The following CNTN5 variants were observed in gnomAD, a reference collection of about 807,000 sequenced individuals.
CNTN5 encodes the protein contactin-5.
CNTN5 carries 77 observed loss-of-function variants against 129.1 expected under a neutral mutation model. That is an observed-to-expected ratio of 0.60 (90% CI 0.50 to 0.72). The LOEUF (loss-of-function observed/expected upper bound fraction) is 0.72, where lower values mean the gene tolerates loss of function less well. CNTN5 is among the 30% of genes least tolerant of loss of function. The probability of loss-of-function intolerance (pLI) is 0.00; values close to 1 mark genes in which losing one functional copy is unlikely to be tolerated. For synonymous variants in CNTN5, 509 were observed against 465.6 expected, an observed-to-expected ratio of 1.09 and a Z score of -1.20; for missense variants, 1,478 against 1,328.8, an observed-to-expected ratio of 1.11 and a Z score of -1.75.
At chr11:99,775,944 C>T (rs916700401) in intron 3 of CNTN5, among the ~76,000 whole-genome samples, 1 of 151,932 alleles carries the variant, frequency 6.6e-6, no homozygotes, top group African/African-American at 2.4e-5. Context: ...TAATTTACAT[C>T]CTCTATGCTT....
At chr11:99,393,315 G>A (rs899945300) in intron 2 of CNTN5, among the ~76,000 whole-genome samples, 3 of 151,804 alleles carry the variant, frequency 2.0e-5, no homozygotes, top group Admixed American at 1.3e-4. Flanking sequence ...AAACAAGCAT[G>A]GATTGGAGAC....
intron 3 of CNTN5, among the ~76,000 whole-genome samples, chr11:99,635,770 A>G (rs1268665364): frequency 6.6e-6 from 1 of 152,074 alleles, no homozygotes; most frequent in Non-Finnish European, 1.5e-5. Flanking sequence ...ATGTATTTGT[A>G]TGTTCATGTC....
At chr11:100,230,477 A>AT (rs1438746729) in intron 16 of CNTN5, among the ~76,000 whole-genome samples, 5 of 152,178 alleles carry the variant, frequency 3.3e-5, no homozygotes, top group East Asian at 3.9e-4. Context: ...AAAAAGTAAC[A>AT]TTTTTTTGTC....
intron 7 of CNTN5, among the ~76,000 whole-genome samples, chr11:99,935,950 T>G (rs931699247): frequency 1.3e-5 from 2 of 152,168 alleles, no homozygotes; most frequent in African/African-American, 4.8e-5. Context: ...CAGTTCACTT[T>G]TAGTTTTATA....
intron 3 of CNTN5, among the ~76,000 whole-genome samples, chr11:99,579,962 T>C (rs1343238167): frequency 1.3e-5 from 2 of 150,872 alleles, no homozygotes; most frequent in Non-Finnish European, 2.9e-5. Context: ...ATATTGGCTG[T>C]GGGTTTGTCA....
chr11:100,255,677 T>C, intron 16 of CNTN5, 83 bp from the exon 17 acceptor site: 3 of 1,178,176 alleles, frequency 2.5e-6, no homozygotes, highest in Non-Finnish European at 3.6e-6. Flanking sequence ...CATAGTTGGA[T>C]GTGCTACATA....
At chr11:100,280,613 C>A (rs1011955936) in intron 18 of CNTN5, among the ~76,000 whole-genome samples, 1 of 151,782 alleles carries the variant, frequency 6.6e-6, no homozygotes, top group Non-Finnish European at 1.5e-5. Flanking sequence ...CAGGTTATTG[C>A]GTATTATTTT....
chr11:99,897,318 A>G (rs1420448421), intron 6 of CNTN5, among the ~76,000 whole-genome samples: 2 of 152,158 alleles, frequency 1.3e-5, no homozygotes, highest in African/African-American at 4.8e-5. Flanking sequence ...GATAATATAC[A>G]AGATAAACAT....
rs183955451 is a variant in CNTN5, at chr11:99,669,773, G to A, written c.55+113504G>A. Among the ~76,000 whole-genome samples, 157 of 152,126 alleles carry A rather than the reference G, an allele frequency of 1.0e-3. 1 individual carries two copies. Among genetic ancestry groups the A allele is most frequent in the Admixed American group, 1.6e-3 (24 of 15,262 alleles). On this transcript the variant is annotated intron_variant, in intron 3 of 24. Transcript: ENST00000524871. ...GATTCTGATCTACTTCTTTAATGAA[G>A]GTTTGTCCCTAAGCCAAGTATTTAA...
In CNTN5 at chr11:99,952,511, T is replaced by C. The variant is rs146093554; in HGVS notation, c.674-4295T>C. ...AAATAAATGCAAAACTTGAACTATT[T>C]AAAAAACAAACTAAAAGTTATTTAT... is the stretch of plus-strand genomic sequence containing the variant. On this transcript the variant is annotated intron_variant, in intron 7 of 24. Coordinates refer to ENST00000524871, the MANE Select transcript of CNTN5 (RefSeq NM_014361.4). Among the ~76,000 whole-genome samples, 12 of 152,256 alleles carry C rather than the reference T, an allele frequency of 7.9e-5. No individual in the cohort carries two copies. The East Asian group carries it at 2.3e-3, about 29-fold the overall frequency.
intron 1 of CNTN5, among the ~76,000 whole-genome samples, chr11:99,159,582 A>C (rs1291544698): frequency 6.6e-6 from 1 of 152,202 alleles, no homozygotes; most frequent in African/African-American, 2.4e-5. Flanking sequence ...AGATTGCACC[A>C]CTGCACTCCA....
At chr11:99,455,501 G>A (rs1944465244) in intron 2 of CNTN5, among the ~76,000 whole-genome samples, 1 of 152,082 alleles carries the variant, frequency 6.6e-6, no homozygotes, top group African/African-American at 2.4e-5. Flanking sequence ...AAGTATGCCT[G>A]GGGCAGATAT....
chr11:100,218,047 C>A (rs912727324), intron 15 of CNTN5, among the ~76,000 whole-genome samples: 2 of 152,128 alleles, frequency 1.3e-5, no homozygotes, highest in African/African-American at 4.8e-5. Context: ...GTCCTCTTTC[C>A]TTTGTCATTA....
chr11:99,954,280 C>T (rs1950745483), intron 7 of CNTN5, among the ~76,000 whole-genome samples: 1 of 152,138 alleles, frequency 6.6e-6, no homozygotes, highest in Non-Finnish European at 1.5e-5. Context: ...TCATTGTCTG[C>T]TGAAATAGGG....
At chr11:99,188,703 G>A (rs1858477853) in intron 1 of CNTN5, among the ~76,000 whole-genome samples, 1 of 151,516 alleles carries the variant, frequency 6.6e-6, no homozygotes, top group Non-Finnish European at 1.5e-5. Context: ...TCATGCTTAT[G>A]CTCGTTAGTA....
intron 1 of CNTN5, among the ~76,000 whole-genome samples, chr11:99,032,509 G>T (rs1863447678): frequency 6.6e-6 from 1 of 151,394 alleles, no homozygotes; most frequent in Non-Finnish European, 1.5e-5. Context: ...GCATTTCTCT[G>T]ATGGCCAGTG....
intron 2 of CNTN5, among the ~76,000 whole-genome samples, chr11:99,382,681 C>A (rs1434866792): frequency 1.3e-5 from 2 of 151,802 alleles, no homozygotes; most frequent in Admixed American, 6.6e-5. Context: ...CAATCAGAGA[C>A]AGGTGATCTG....
chr11:100,051,058 T>C (rs1354798702), intron 9 of CNTN5, among the ~76,000 whole-genome samples: 4 of 152,064 alleles, frequency 2.6e-5, no homozygotes, highest in Admixed American at 1.3e-4. Flanking sequence ...AATCAGTAAA[T>C]AACCTTATTC....
chr11:100,056,104 T>G (rs1176297062), intron 9 of CNTN5, among the ~76,000 whole-genome samples: 2 of 151,740 alleles, frequency 1.3e-5, no homozygotes, highest in Non-Finnish European at 3.0e-5. Flanking sequence ...TGTGATTATA[T>G]TTTTGTCTTT....
Sources: allele counts gnomAD v4.1 joint callset (sites outside exome capture counted in the v4.1 genomes callset), GRCh38; gene constraint gnomAD v4.1.1; transcripts MANE v1.5; gene names NCBI Gene and HGNC (gene_info 2026-07-23, HGNC 2026-07-21).